GPC5: variants seen among roughly 807,000 people sequenced by gnomAD.
The protein encoded by GPC5 is glypican 5.
GPC5 carries 47 observed loss-of-function variants against 53.9 expected under a neutral mutation model. That is an observed-to-expected ratio of 0.87 (90% CI 0.69 to 1.11). GPC5 has a LOEUF of 1.11. Ranked by LOEUF, GPC5 falls within the 50% of genes most tolerant of loss-of-function variation. GPC5 has a pLI of 0.00. For missense variants in GPC5, 748 were observed against 713.1 expected, an observed-to-expected ratio of 1.05 and a Z score of -0.56; for synonymous variants, 286 against 263.3, an observed-to-expected ratio of 1.09 and a Z score of -0.84.
At chr13:92,546,572 T>G (rs1019130356) in intron 7 of GPC5, among the ~76,000 whole-genome samples, 1 of 152,142 alleles carries the variant, frequency 6.6e-6, no homozygotes, top group East Asian at 1.9e-4. Context: ...GAATCAATAT[T>G]GTGAAAATGG....
chr13:92,406,821 G>A (rs1401281078), intron 7 of GPC5, among the ~76,000 whole-genome samples: 1 of 152,046 alleles, frequency 6.6e-6, no homozygotes, highest in Admixed American at 6.6e-5. Context: ...CCACATATTG[G>A]AGAGAGTTCA....
chr13:92,017,704 T>C (rs573486135), intron 6 of GPC5, among the ~76,000 whole-genome samples: 2 of 152,216 alleles, frequency 1.3e-5, no homozygotes, highest in South Asian at 4.1e-4. Flanking sequence ...TGTGTGTCTA[T>C]ACATGTGCAC....
chr13:92,296,274 C>T (rs537175639), intron 7 of GPC5, among the ~76,000 whole-genome samples: 1 of 152,006 alleles, frequency 6.6e-6, no homozygotes, highest in Admixed American at 6.6e-5. Flanking sequence ...TTCCAGAGAG[C>T]ATCAGCTGTG....
chr13:92,587,194 G>A (rs937940159), intron 7 of GPC5, among the ~76,000 whole-genome samples: 19 of 151,946 alleles, frequency 1.3e-4, no homozygotes, highest in African/African-American at 4.4e-4. Flanking sequence ...TATTTTCCCT[G>A]TTTTCCTTCA....
rs538403902 is a variant in GPC5 at position 92,375,870 on chromosome 13, G to A, written c.1561+230881G>A. 2.6e-4 allele frequency among the ~76,000 whole-genome samples: 40 copies of A among 152,172 alleles called. 1 individual carries two copies. In the South Asian group the frequency reaches 8.1e-3, roughly 31 times the overall value. On this transcript the variant is annotated intron_variant, in intron 7 of 7. Coordinates refer to ENST00000377067, the MANE Select transcript of GPC5 (RefSeq NM_004466.6). ...CAAAATACCTCTGCAGAAATACCTA[G>A]GTTAGAATTTGATTGACTACCTGAG...
intron 7 of GPC5, among the ~76,000 whole-genome samples, chr13:92,182,779 G>A (rs1449812896): frequency 2.6e-5 from 4 of 151,854 alleles, no homozygotes; most frequent in Non-Finnish European, 5.9e-5. Context: ...TGAGGCGGGA[G>A]AATGGCGTGA....
chr13:91,952,760 C>G (rs2040039240), intron 6 of GPC5, among the ~76,000 whole-genome samples: 1 of 152,018 alleles, frequency 6.6e-6, no homozygotes, highest in African/African-American at 2.4e-5. Context: ...TTGATAATCC[C>G]TGAACAAAAA....
chr13:92,613,816 C>T (rs1884586909), intron 7 of GPC5, among the ~76,000 whole-genome samples: 1 of 149,924 alleles, frequency 6.7e-6, no homozygotes, highest in South Asian at 2.1e-4. Context: ...AGGATGGTGC[C>T]ACTGCACTCC....
intron 6 of GPC5, among the ~76,000 whole-genome samples, chr13:92,024,102 C>A (rs975973919): frequency 6.6e-6 from 1 of 152,028 alleles, no homozygotes; most frequent in Non-Finnish European, 1.5e-5. Flanking sequence ...GGCCCATAAG[C>A]CTCAATTATG....
chr13:92,598,140 T>G (rs1174779620), intron 7 of GPC5, among the ~76,000 whole-genome samples: 1 of 152,214 alleles, frequency 6.6e-6, no homozygotes, highest in African/African-American at 2.4e-5. Flanking sequence ...AGACCATTAG[T>G]GATGCATGAT....
intron 6 of GPC5, among the ~76,000 whole-genome samples, chr13:92,058,872 A>C (rs1004555885): frequency 1.3e-5 from 2 of 152,154 alleles, no homozygotes; most frequent in African/African-American, 4.8e-5. Context: ...TTATTTCCTT[A>C]CACAAAGATT....
At chr13:92,398,378 G>A (rs1262712688) in intron 7 of GPC5, among the ~76,000 whole-genome samples, 1 of 133,944 alleles carries the variant, frequency 7.5e-6, no homozygotes, top group Non-Finnish European at 1.5e-5. Flanking sequence ...GCAGTGAGCC[G>A]AGATCCCGCC....
At chr13:91,560,869 G>A (rs1000109696) in intron 2 of GPC5, among the ~76,000 whole-genome samples, 1 of 152,078 alleles carries the variant, frequency 6.6e-6, no homozygotes, top group East Asian at 1.9e-4. Flanking sequence ...CCAATTTCCA[G>A]ACCAAAGTCA....
intron 6 of GPC5, among the ~76,000 whole-genome samples, chr13:92,055,715 C>T (rs996568127): frequency 1.1e-4 from 16 of 152,240 alleles, no homozygotes; most frequent in African/African-American, 3.9e-4. Flanking sequence ...ATGTCTTTTG[C>T]ATAAATTAAG....
chr13:91,528,761 C>T (rs1886201589), intron 2 of GPC5, among the ~76,000 whole-genome samples: 1 of 152,100 alleles, frequency 6.6e-6, no homozygotes, highest in Admixed American at 6.5e-5. Flanking sequence ...TTCCACATGG[C>T]TTGGGAGGCC....
intron 3 of GPC5, among the ~76,000 whole-genome samples, chr13:91,704,189 C>T (rs1420595114): frequency 6.6e-6 from 1 of 152,088 alleles, no homozygotes; most frequent in Non-Finnish European, 1.5e-5. Flanking sequence ...TGGGTGCATA[C>T]ATATTTGCAA....
intron 7 of GPC5, among the ~76,000 whole-genome samples, chr13:92,211,457 A>G (rs1480876208): frequency 6.6e-6 from 1 of 152,164 alleles, no homozygotes; most frequent in East Asian, 1.9e-4. Flanking sequence ...ATCAAAACCA[A>G]CTGTGGTTCT....
chr13:92,199,861 G>C (rs2042282078), intron 7 of GPC5, among the ~76,000 whole-genome samples: 1 of 152,094 alleles, frequency 6.6e-6, no homozygotes, highest in African/African-American at 2.4e-5. Flanking sequence ...CTAGACTGCT[G>C]TATATAACAT....
At chr13:91,424,657 G>A (rs890244758) in intron 1 of GPC5, among the ~76,000 whole-genome samples, 9 of 152,104 alleles carry the variant, frequency 5.9e-5, no homozygotes, top group African/African-American at 7.2e-5. Context: ...ATGAGCCACC[G>A]TGCCCGGCCA....
Sources: allele counts gnomAD v4.1 joint callset (sites outside exome capture counted in the v4.1 genomes callset), GRCh38; gene constraint gnomAD v4.1.1; transcripts MANE v1.5; gene names NCBI Gene and HGNC (gene_info 2026-07-23, HGNC 2026-07-21).